Variants in VPS13B observed in about 807,000 individuals in gnomAD.
VPS13B encodes vacuolar protein sorting 13 homolog B, also known as intermembrane lipid transfer protein VPS13B.
VPS13B carries 285 observed loss-of-function variants against 426.4 expected under a neutral mutation model. The observed-to-expected ratio is 0.67, with a 90% CI of 0.61 to 0.74. The LOEUF (loss-of-function observed/expected upper bound fraction) is 0.74, where lower values mean the gene tolerates loss of function less well. Among genes scored for constraint, VPS13B ranks in the 30% least tolerant of loss-of-function variants. The pLI is 0.00. For synonymous variants in VPS13B, 1,676 were observed against 1,676.4 expected (o/e 1.00, Z 0.01); for missense variants, 4,537 against 4,782.6 (o/e 0.95, Z 1.51).
At chr8:99,584,737 G>A (rs1409964326) in intron 33 of VPS13B, among the ~76,000 whole-genome samples, 1 of 152,138 alleles carries the variant, frequency 6.6e-6, no homozygotes. Flanking sequence ...CTAGCTTCAT[G>A]GAGAAGTGGA....
chr8:99,753,898 G>T (rs1238977259), intron 39 of VPS13B, among the ~76,000 whole-genome samples: 5 of 152,114 alleles, frequency 3.3e-5, no homozygotes, highest in Non-Finnish European at 7.3e-5. Flanking sequence ...GGCATTACAG[G>T]TGAAAAATCT....
intron 17 of VPS13B, among the ~76,000 whole-genome samples, chr8:99,231,684 T>TGTAGCTCCAACTATCAG (rs1816329947): frequency 6.6e-6 from 1 of 152,104 alleles, no homozygotes; most frequent in African/African-American, 2.4e-5. Flanking sequence ...AACTATCAGT[T>TGTAGCTCCAACTATCAG]TTACAAAATC....
chr8:99,602,985 C>T (rs931471044), intron 33 of VPS13B, among the ~76,000 whole-genome samples: 4 of 152,188 alleles, frequency 2.6e-5, no homozygotes, highest in Admixed American at 1.3e-4. Flanking sequence ...ATGCTATCCC[C>T]ATCAAGCTAC....
At chr8:99,250,688 TTTTTTTTTTTTTTTG>T (rs1210195833) in intron 17 of VPS13B, among the ~76,000 whole-genome samples, 1 of 125,712 alleles carries the variant, frequency 8.0e-6, no homozygotes, top group African/African-American at 3.1e-5. Flanking sequence ...TTTTTTTTTT[TTTTTTTTTTTTTTTG>T]AGACAAGGTC....
At chr8:99,691,124 T>A (rs1295777155) in intron 35 of VPS13B, among the ~76,000 whole-genome samples, 7 of 152,172 alleles carry the variant, frequency 4.6e-5, no homozygotes, top group Non-Finnish European at 1.0e-4. Context: ...TCACATATTA[T>A]ATGATTCCAT....
At chr8:99,696,866 A>G (rs964497813) in intron 35 of VPS13B, 9 of 854,238 alleles carry the variant, frequency 1.1e-5, no homozygotes, top group Admixed American at 6.8e-5. Flanking sequence ...GCTGCAGTCC[A>G]TCGGCATCAA....
Position 99,121,283 on chromosome 8 carries a change from G to A in VPS13B, c.1044G>A (p.Trp348Ter), listed in dbSNP as rs1847921335. 6.2e-7 allele frequency: 1 copy of A among 1,614,094 alleles called. No individual in the cohort carries two copies. The highest frequency in any genetic ancestry group is 8.5e-7 in the Non-Finnish European group (1 of 1,180,020). Residue 348 changes from tryptophan to a stop codon, truncating the protein, a stop_gained, in exon 8 of 62, where the codon TGG becomes TGA. Transcript: ENST00000357162. LOFTEE classifies it high-confidence loss of function. ...AGCAGCCACAGGGATGGGTGTCATGGGCCTGGTCCTTTGTGCCTGCAATTG... is the reference window on the plus strand; with the variant it reads ...AGCAGCCACAGGGATGGGTGTCATGAGCCTGGTCCTTTGTGCCTGCAATTG... ...DEEQPQGWVS[W>*]AWSFVPAIVS...
intron 24 of VPS13B, among the ~76,000 whole-genome samples, chr8:99,473,278 TAAC>T (rs1291342218): frequency 1.3e-5 from 2 of 151,910 alleles, no homozygotes; most frequent in African/African-American, 2.4e-5. Flanking sequence ...AAATCAAAGA[TAAC>T]AATATCTAAA....
chr8:99,442,372 A>G (rs1455082215), intron 22 of VPS13B, 29 bp from the exon 23 acceptor site: 4 of 1,596,954 alleles, frequency 2.5e-6, no homozygotes. Context: ...GTCTAATCCG[A>G]ATATTTTAAT....
At chr8:99,368,556 A>G (rs943127208) in intron 19 of VPS13B, among the ~76,000 whole-genome samples, 1 of 152,098 alleles carries the variant, frequency 6.6e-6, no homozygotes, top group Non-Finnish European at 1.5e-5. Flanking sequence ...ATAGAATATT[A>G]TTTCTGTCTC....
chr8:99,836,855 A>C (rs367643599), intron 54 of VPS13B, among the ~76,000 whole-genome samples: 5 of 152,238 alleles, frequency 3.3e-5, no homozygotes, highest in East Asian at 3.9e-4. Flanking sequence ...CAGCCATACA[A>C]GTTAGTGACT....
At chr8:99,300,548 C>T (rs1272455162) in intron 19 of VPS13B, among the ~76,000 whole-genome samples, 2 of 152,178 alleles carry the variant, frequency 1.3e-5, no homozygotes, top group Non-Finnish European at 2.9e-5. Flanking sequence ...GTAACCAACC[C>T]TAATATGTGT....
chr8:99,562,800 C>G (rs1436834692), intron 31 of VPS13B, among the ~76,000 whole-genome samples: 2 of 151,904 alleles, frequency 1.3e-5, no homozygotes, highest in Non-Finnish European at 2.9e-5. Flanking sequence ...CTAGTCTTTC[C>G]CCATTGAATG....
chr8:99,537,119 T>G (rs1042226688), intron 30 of VPS13B, among the ~76,000 whole-genome samples: 5 of 152,180 alleles, frequency 3.3e-5, no homozygotes, highest in African/African-American at 1.2e-4. Flanking sequence ...CTGGTAAAAT[T>G]GTCCATCGGT....
At chr8:99,603,425 A>G (rs913497521) in intron 33 of VPS13B, among the ~76,000 whole-genome samples, 2 of 152,244 alleles carry the variant, frequency 1.3e-5, no homozygotes, top group Non-Finnish European at 2.9e-5. Context: ...AGTAACTAAT[A>G]ATAACTAATA....
Position 99,639,689 on chromosome 8 carries a change from CCAAT to C in VPS13B, c.5221-2118_5221-2115del, listed in dbSNP as rs774727333. Among the ~76,000 whole-genome samples, 55 of 147,058 alleles carry C rather than the reference CCAAT, an allele frequency of 3.7e-4. No homozygotes were observed. The East Asian group carries it at 0.01, about 28-fold the overall frequency. On this transcript the variant is annotated intron_variant, in intron 33 of 61. Coordinates refer to ENST00000357162, the MANE Select transcript of VPS13B (RefSeq NM_152564.5). ...ATATATAAAAATATGTTTTTTTTTA[CCAAT>C]CAAATTAAGGAGTTTTTAAAATAAT...
At chr8:99,180,861 G>A (rs60042922) in intron 16 of VPS13B, among the ~76,000 whole-genome samples, 43,098 of 152,002 alleles carry the variant, frequency 0.28, 7,127 homozygotes, top group East Asian at 0.43. Context: ...TAGTAGAGAA[G>A]TAAAGATTTA....
At chr8:99,332,573 A>T (rs1053479028) in intron 19 of VPS13B, among the ~76,000 whole-genome samples, 1 of 151,578 alleles carries the variant, frequency 6.6e-6, no homozygotes, top group Non-Finnish European at 1.5e-5. Context: ...TTTACTTGTA[A>T]AGTAAATGTT....
At chr8:99,610,724 C>G (rs1477137932) in intron 33 of VPS13B, among the ~76,000 whole-genome samples, 1 of 151,818 alleles carries the variant, frequency 6.6e-6, no homozygotes, top group Non-Finnish European at 1.5e-5. Flanking sequence ...TATCCCAGAA[C>G]TTAAAGTATA....
Sources: gnomAD v4.1 joint callset for allele counts (sites outside exome capture counted in the v4.1 genomes callset) on GRCh38, gnomAD v4.1.1 for gene constraint, MANE v1.5 for transcripts, NCBI Gene and HGNC (gene_info 2026-07-23, HGNC 2026-07-21) for gene names.